THSD7B: variants seen among roughly 807,000 people sequenced by gnomAD.
THSD7B encodes thrombospondin type 1 domain containing 7B, also known as thrombospondin type-1 domain-containing protein 7B.
In THSD7B, 138 loss-of-function variants were observed where a neutral mutation model predicts 213.6. That is an observed-to-expected ratio of 0.65 (90% CI 0.56 to 0.74). The LOEUF (loss-of-function observed/expected upper bound fraction) is 0.74, where lower values mean the gene tolerates loss of function less well. THSD7B is among the 30% of genes least tolerant of loss of function. The pLI, the probability that THSD7B is intolerant of heterozygous loss-of-function variation, is 0.00. For missense variants in THSD7B, 1,931 were observed against 1,991.5 expected (o/e 0.97, Z 0.58); for synonymous variants, 742 against 687.0 (o/e 1.08, Z -1.25).
rs571675669 is a variant in THSD7B, at chr2:136,911,199, T to G, written c.139+28882T>G. On this transcript the variant is annotated intron_variant, in intron 2 of 27. Coordinates refer to ENST00000409968, the MANE Select transcript of THSD7B (RefSeq NM_001316349.2). ...CTATTTTCTGTAAGGGCAGGAAAAT[T>G]CATGTTTTGCTCTTAGAAATCTTTA... Among the ~76,000 whole-genome samples, 11 of 152,320 alleles carry G rather than the reference T, an allele frequency of 7.2e-5. No individual in the cohort carries two copies. The Middle Eastern group carries it at 0.01, about 141-fold the overall frequency.
chr2:137,158,033 G>A (rs1197103492), intron 5 of THSD7B, among the ~76,000 whole-genome samples: 4 of 152,110 alleles, frequency 2.6e-5, no homozygotes, highest in Admixed American at 6.6e-5. Flanking sequence ...CAATGCTCTG[G>A]CACATCTCTT....
At chr2:137,138,917 C>T (rs1352279315) in intron 5 of THSD7B, among the ~76,000 whole-genome samples, 4 of 152,064 alleles carry the variant, frequency 2.6e-5, no homozygotes, top group Non-Finnish European at 4.4e-5. Context: ...ATCTTATTTA[C>T]CTCCTTTTGT....
intron 5 of THSD7B, among the ~76,000 whole-genome samples, chr2:137,117,176 C>G (rs1319370221): frequency 6.6e-6 from 1 of 150,630 alleles, no homozygotes; most frequent in South Asian, 2.1e-4. Flanking sequence ...TTATTTTGCT[C>G]TTGTGTGGAA....
chr2:137,190,599 C>T (rs1233728222), intron 7 of THSD7B, among the ~76,000 whole-genome samples: 1 of 152,126 alleles, frequency 6.6e-6, no homozygotes, highest in Non-Finnish European at 1.5e-5. Flanking sequence ...CTGTACTGCA[C>T]GGTCCTTCTG....
intron 11 of THSD7B, among the ~76,000 whole-genome samples, chr2:137,274,696 C>G (rs1682827514): frequency 6.6e-6 from 1 of 152,008 alleles, no homozygotes; most frequent in Non-Finnish European, 1.5e-5. Context: ...TGTATAAACT[C>G]AATTTAAGGA....
chr2:137,482,027 A>C (rs1688321029), intron 15 of THSD7B, among the ~76,000 whole-genome samples: 1 of 152,018 alleles, frequency 6.6e-6, no homozygotes, highest in African/African-American at 2.4e-5. Flanking sequence ...AATACAAAAA[A>C]ATTAGCTGGG....
intron 3 of THSD7B, among the ~76,000 whole-genome samples, chr2:137,089,287 T>C (rs7421786): frequency 2.4e-4 from 36 of 149,776 alleles, no homozygotes; most frequent in African/African-American, 8.9e-4. Context: ...TATGTATATA[T>C]ACATATATAT....
rs1268937597 is a variant in THSD7B at position 137,490,326 on chromosome 2, T to C, written c.3138+39303T>C. ...TGTTTTTACATTGATGACACTTCCC[T>C]GTTTAAATACACAAAGACCATATCT... On this transcript the variant is annotated intron_variant, in intron 15 of 27. Coordinates refer to ENST00000409968, the MANE Select transcript of THSD7B (RefSeq NM_001316349.2). 5.3e-5 allele frequency among the ~76,000 whole-genome samples: 8 copies of C among 152,374 alleles called. No individual in the cohort carries two copies. In the East Asian group the frequency reaches 1.5e-3, roughly 29 times the overall value.
At chr2:137,589,240 T>A (rs1044850428) in intron 17 of THSD7B, among the ~76,000 whole-genome samples, 12 of 152,208 alleles carry the variant, frequency 7.9e-5, no homozygotes, top group Non-Finnish European at 1.3e-4. Flanking sequence ...AATAAAAAAA[T>A]ACTTATTTAA....
intron 17 of THSD7B, among the ~76,000 whole-genome samples, chr2:137,609,682 A>T (rs1196176908): frequency 3.3e-5 from 5 of 152,236 alleles, no homozygotes; most frequent in African/African-American, 1.2e-4. Context: ...GTTTTCACTA[A>T]GTCGGGAAGT....
At chr2:137,225,702 T>TC (rs140826309) in intron 7 of THSD7B, among the ~76,000 whole-genome samples, 1,937 of 152,298 alleles carry the variant, frequency 0.013, 45 homozygotes, top group African/African-American at 0.042. Context: ...TTCCCAAATA[T>TC]CAGATGCTAT....
At chr2:137,482,899 A>G (rs1238256508) in intron 15 of THSD7B, among the ~76,000 whole-genome samples, 2 of 152,178 alleles carry the variant, frequency 1.3e-5, no homozygotes, top group African/African-American at 4.8e-5. Context: ...GGATCTCTGA[A>G]ATGCAGATGA....
chr2:137,111,489 C>T (rs1046378866), intron 4 of THSD7B, among the ~76,000 whole-genome samples: 5 of 152,184 alleles, frequency 3.3e-5, no homozygotes, highest in African/African-American at 1.2e-4. Flanking sequence ...CCTGCTTTCA[C>T]TCATGTGACC....
intron 15 of THSD7B, among the ~76,000 whole-genome samples, chr2:137,556,621 G>T (rs1428979756): frequency 6.6e-6 from 1 of 152,204 alleles, no homozygotes; most frequent in Non-Finnish European, 1.5e-5. Context: ...ATGCTAGGAA[G>T]AAACTGCATC....
chr2:137,674,117 C>G (rs1365281525), intron 27 of THSD7B, among the ~76,000 whole-genome samples: 2 of 152,150 alleles, frequency 1.3e-5, no homozygotes, highest in African/African-American at 4.8e-5. Flanking sequence ...AGTATTGTCT[C>G]TTTATAGAGA....
rs114092851 is a variant in THSD7B at position 137,634,667 on chromosome 2, G to A, written c.3800-7821G>A. On this transcript the variant is annotated intron_variant, in intron 20 of 27. Coordinates refer to ENST00000409968, the MANE Select transcript of THSD7B (RefSeq NM_001316349.2). The stretch of plus-strand genomic sequence containing the variant: ...TACAGCATGGCTTTCTAAAGGGCAT[G>A]GTGGCTGGCTACTTTGATTGGAAAG... 5.8e-3 allele frequency among the ~76,000 whole-genome samples: 880 copies of A among 152,308 alleles called. 4 individuals carry two copies. The highest frequency in any genetic ancestry group is 0.01 in the Non-Finnish European group (690 of 68,020).
intron 14 of THSD7B, among the ~76,000 whole-genome samples, chr2:137,446,990 C>T (rs1393198798): frequency 6.6e-6 from 1 of 151,974 alleles, no homozygotes. Context: ...AAAACTTATC[C>T]ATTCGAATAT....
intron 12 of THSD7B, among the ~76,000 whole-genome samples, chr2:137,303,031 C>G (rs948195924): frequency 2.6e-5 from 4 of 152,220 alleles, no homozygotes; most frequent in African/African-American, 7.2e-5. Flanking sequence ...CGAGGGTCTT[C>G]TTACTCTGTC....
chr2:137,094,145 CT>C (rs1325539551), intron 3 of THSD7B, among the ~76,000 whole-genome samples: 1 of 152,132 alleles, frequency 6.6e-6, no homozygotes, highest in Non-Finnish European at 1.5e-5. Context: ...CTTTATCTAT[CT>C]ACAAAATGGA....
Sources: allele counts gnomAD v4.1 joint callset (sites outside exome capture counted in the v4.1 genomes callset), GRCh38; gene constraint gnomAD v4.1.1; transcripts MANE v1.5; gene names NCBI Gene and HGNC (gene_info 2026-07-23, HGNC 2026-07-21).